The following ATG2B variants were observed in gnomAD, a reference collection of about 807,000 sequenced individuals.
ATG2B encodes autophagy-related protein 2 homolog B.
ATG2B carries 121 observed loss-of-function variants against 241.3 expected under a neutral mutation model. The ratio of observed to expected loss-of-function variants is 0.50; its 90% CI spans 0.43 to 0.58. ATG2B has a LOEUF of 0.58. ATG2B is among the 20% of genes least tolerant of loss of function. ATG2B has a pLI of 0.00. For missense variants in ATG2B, 2,306 were observed against 2,491.6 expected, an observed-to-expected ratio of 0.93 and a Z score of 1.59; for synonymous variants, 858 against 876.6, an observed-to-expected ratio of 0.98 and a Z score of 0.37.
At chr14:96,305,870 T>C (rs1425220117) in intron 30 of ATG2B, 55 bp from the exon 31 acceptor site, 2 of 1,376,696 alleles carry the variant, frequency 1.5e-6, no homozygotes, top group Admixed American at 1.8e-5. Context: ...AAACAACTGA[T>C]TATGCTGCAC....
At chr14:96,309,380 A>T in intron 29 of ATG2B, 73 bp downstream of exon 29, 1 of 1,511,552 alleles carries the variant, frequency 6.6e-7, no homozygotes. Context: ...TGACTTATTA[A>T]ATTTACGAGA....
At chr14:96,328,266 TACTTAAG>T in intron 14 of ATG2B, 74 bp downstream of exon 14, 1 of 950,028 alleles carries the variant, frequency 1.1e-6, no homozygotes, top group South Asian at 2.4e-5. Flanking sequence ...CTATTAAAAA[TACTTAAG>T]TTCAGAAATT....
intron 6 of ATG2B, among the ~76,000 whole-genome samples, chr14:96,335,579 T>C (rs900269702): frequency 6.6e-6 from 1 of 152,138 alleles, no homozygotes; most frequent in Non-Finnish European, 1.5e-5. Context: ...ACAAGGCCCA[T>C]GTAGCAGATC....
chr14:96,296,072 G>A (rs1367717704), intron 34 of ATG2B, among the ~76,000 whole-genome samples: 1 of 152,124 alleles, frequency 6.6e-6, no homozygotes, highest in Non-Finnish European at 1.5e-5. Context: ...TCCTGCCTCA[G>A]CCTCCCAAGT....
intron 1 of ATG2B, among the ~76,000 whole-genome samples, chr14:96,360,627 T>G (rs1888597273): frequency 6.6e-6 from 1 of 152,222 alleles, no homozygotes; most frequent in Non-Finnish European, 1.5e-5. Context: ...AAAAACTAAT[T>G]GAGATCAGGA....
At chr14:96,307,508 G>A (rs1440419223) in intron 29 of ATG2B, among the ~76,000 whole-genome samples, 3 of 152,214 alleles carry the variant, frequency 2.0e-5, no homozygotes, top group Non-Finnish European at 4.4e-5. Context: ...CCAGTTAGTT[G>A]GCGTTGGGGA....
chr14:96,345,127 T>A (rs1440914973), intron 3 of ATG2B, 106 bp downstream of exon 3: 6 of 812,512 alleles, frequency 7.4e-6, no homozygotes, highest in Non-Finnish European at 1.1e-5. Flanking sequence ...AGTAATTCTT[T>A]TAAAAATCCA....
At chr14:96,310,415 T>C (rs907955613) in intron 28 of ATG2B, among the ~76,000 whole-genome samples, 3 of 152,060 alleles carry the variant, frequency 2.0e-5, no homozygotes, top group Non-Finnish European at 4.4e-5. Context: ...GAGATTTCTG[T>C]TCATAAGAGA....
rs765629673 is a variant in ATG2B at position 96,329,587 on chromosome 14, G to A, written c.1778C>T (p.Ser593Leu). 6.2e-7 allele frequency: 1 copy of A among 1,610,530 alleles called. No homozygotes were observed. Among genetic ancestry groups the A allele is most frequent in the African/African-American group, 1.3e-5 (1 of 74,910 alleles). Reference protein sequence around the residue: ...IKVSYEQRQRSASRYFSTDMS... With the variant: ...IKVSYEQRQRLASRYFSTDMS... The stretch of plus-strand genomic sequence containing the variant: ...ATCAGTACTAAAATATCGGGAAGCT[G>A]ATCTTTGTCTTTGTTCATAGGATAC... The change falls in exon 12 of 42, where the codon TCA becomes TTA. Residue 593 changes from serine (S) to leucine (L), a missense_variant. Ser to Leu is a moderately radical substitution (Grantham distance 145, BLOSUM62 -2). Around this residue, in one of 2 missense-constraint regions of ATG2B, gnomAD observed 1,927 missense variants for 2,011.2 expected, o/e 0.96. Transcript: ENST00000359933.
chr14:96,340,087 A>AATATATATATCATATATATC (rs1362017978), intron 6 of ATG2B, among the ~76,000 whole-genome samples: 1 of 122,734 alleles, frequency 8.1e-6, no homozygotes, highest in Non-Finnish European at 1.8e-5. Flanking sequence ...GATATATATG[A>AATATATATATCATATATATC]ATATATGCTA....
intron 10 of ATG2B, 104 bp from the exon 11 acceptor site, chr14:96,331,741 T>C (rs1201273561): frequency 4.5e-6 from 4 of 895,346 alleles, no homozygotes; most frequent in Non-Finnish European, 6.7e-6. Flanking sequence ...CAGATGATCA[T>C]ACAACAGTTT....
chr14:96,356,696 AT>A (rs1177861678), intron 1 of ATG2B, among the ~76,000 whole-genome samples: 1 of 152,124 alleles, frequency 6.6e-6, no homozygotes, highest in African/African-American at 2.4e-5. Context: ...ATGTTAGCAA[AT>A]TCCCAGGTGA....
intron 29 of ATG2B, among the ~76,000 whole-genome samples, chr14:96,308,269 T>TATATATATAC (rs1887045126): frequency 3.8e-5 from 1 of 26,526 alleles, no homozygotes; most frequent in Non-Finnish European, 8.3e-5. Flanking sequence ...TATATATATA[T>TATATATATAC]ATATATATAT....
At chr14:96,294,910 C>G in intron 36 of ATG2B, 50 bp downstream of exon 36, 6 of 1,555,362 alleles carry the variant, frequency 3.9e-6, no homozygotes, top group Non-Finnish European at 5.3e-6. Context: ...ACAGAACAAT[C>G]TTCAAAAGTC....
intron 28 of ATG2B, 60 bp downstream of exon 28, chr14:96,311,057 C>T (rs757753898): frequency 2.8e-5 from 41 of 1,448,530 alleles, no homozygotes; most frequent in Non-Finnish European, 3.7e-5. Flanking sequence ...ATGAAGACCT[C>T]AATAATGTAA....
At chr14:96,338,374 G>T (rs1049317840) in intron 6 of ATG2B, among the ~76,000 whole-genome samples, 13 of 152,042 alleles carry the variant, frequency 8.6e-5, no homozygotes, top group Admixed American at 2.6e-4. Context: ...AGTTCTCAGG[G>T]GGAATGCTTT....
At chr14:96,319,798 C>T (rs1217505224) in intron 18 of ATG2B, among the ~76,000 whole-genome samples, 6 of 152,060 alleles carry the variant, frequency 3.9e-5, no homozygotes, top group African/African-American at 7.2e-5. Context: ...GGTTAGGGCA[C>T]GGGGAGTTCT....
intron 18 of ATG2B, among the ~76,000 whole-genome samples, chr14:96,318,627 G>A (rs571890215): frequency 2.6e-5 from 4 of 152,178 alleles, no homozygotes; most frequent in Admixed American, 6.5e-5. Context: ...TATGACTAGC[G>A]AGACTAGCCC....
intron 18 of ATG2B, among the ~76,000 whole-genome samples, chr14:96,319,378 A>G (rs1887401040): frequency 6.6e-6 from 1 of 152,232 alleles, no homozygotes; most frequent in Non-Finnish European, 1.5e-5. Flanking sequence ...ATGAGGCTGA[A>G]ACAAAATAGA....
Sources: allele counts gnomAD v4.1 joint callset (sites outside exome capture counted in the v4.1 genomes callset), GRCh38; gene constraint gnomAD v4.1.1; regional missense constraint gnomAD v4.1.1; transcripts MANE v1.5; gene names NCBI Gene and HGNC (gene_info 2026-07-23, HGNC 2026-07-21).